The following MED15 variants were observed in gnomAD, a reference collection of about 807,000 sequenced individuals.
MED15 encodes mediator complex subunit 15, also known as mediator of RNA polymerase II transcription subunit 15.
A neutral mutation model predicts 118.7 loss-of-function variants in MED15; 41 were observed. That is an observed-to-expected ratio of 0.35 (90% CI 0.27 to 0.45). The LOEUF is 0.45. Among genes scored for constraint, MED15 ranks in the 20% least tolerant of loss-of-function variants. The pLI, the probability that MED15 is intolerant of heterozygous loss-of-function variation, is 1.00. For synonymous variants in MED15, 436 were observed against 413.9 expected (o/e 1.05, Z -0.65); for missense variants, 740 against 1,025.5 (o/e 0.72, Z 3.80).
intron 1 of MED15, among the ~76,000 whole-genome samples, chr22:20,514,058 G>T (rs1039775953): frequency 6.6e-6 from 1 of 152,014 alleles, no homozygotes; most frequent in East Asian, 1.9e-4. Flanking sequence ...AAGAGACAGG[G>T]TTTCACCATG....
rs764564065 is a variant in MED15 at position 20,507,632 on chromosome 22, C to T, written c.-47C>T. 3 of 1,610,730 alleles carry T rather than the reference C, an allele frequency of 1.9e-6. No homozygotes were observed. Among genetic ancestry groups the T allele is most frequent in the Middle Eastern group, 1.7e-4 (1 of 6,024 alleles). On this transcript the variant is annotated 5_prime_UTR_variant, in exon 1 of 18. Coordinates refer to ENST00000263205, the MANE Select transcript of MED15 (RefSeq NM_001003891.3). ...CCTGGCTCTGTGACTGAGGCGGCGG[C>T]GGTGGCGGCCAAGCGGGATACGGGC...
chr22:20,583,476 T>C, intron 13 of MED15, 83 bp downstream of exon 13: 1 of 1,532,534 alleles, frequency 6.5e-7, no homozygotes, highest in South Asian at 1.1e-5. Flanking sequence ...ATGATGTGGG[T>C]TTAACAAAGG....
chr22:20,551,472 C>A lies in MED15; in HGVS notation c.193C>A (p.His65Asn). 1 of 1,614,074 alleles carries A rather than the reference C, an allele frequency of 6.2e-7. No homozygotes were observed. The highest frequency in any genetic ancestry group is 8.5e-7 in the Non-Finnish European group (1 of 1,179,932). The change falls in exon 3 of 18, where the codon CAT becomes AAT. Residue 65 changes from histidine to asparagine, a missense_variant. Coordinates refer to ENST00000263205, the MANE Select transcript of MED15 (RefSeq NM_001003891.3). Reference protein sequence around the residue: ...YLSLVARLIIHFRDIHNKKSQ... With the variant: ...YLSLVARLIINFRDIHNKKSQ... ...TTCTCTCGTGGCCAGGCTCATTATC[C>A]ATTTTCGAGACATTCGTAAGTAAGA...
chr22:20,563,630 A>T (rs1005938000), intron 5 of MED15, among the ~76,000 whole-genome samples: 10 of 152,218 alleles, frequency 6.6e-5, no homozygotes, highest in Non-Finnish European at 1.3e-4. Flanking sequence ...TCCAGAACTT[A>T]GTACACACAC....
At chr22:20,563,874 A>G (rs1363471479) in intron 5 of MED15, among the ~76,000 whole-genome samples, 1 of 152,180 alleles carries the variant, frequency 6.6e-6, no homozygotes, top group Admixed American at 6.5e-5. Flanking sequence ...GAACATTTTT[A>G]TGTTCACCCC....
chr22:20,565,102 G>C (rs2056389124), intron 6 of MED15, among the ~76,000 whole-genome samples: 1 of 152,208 alleles, frequency 6.6e-6, no homozygotes, highest in Non-Finnish European at 1.5e-5. Context: ...TCCAGCCTGG[G>C]CAGCAGTGAG....
Position 20,585,015 on chromosome 22 carries a change from C to T in MED15, c.1964C>T (p.Thr655Met), listed in dbSNP as rs772805310. 2.1e-5 allele frequency: 34 copies of T among 1,613,926 alleles called. No individual in the cohort carries two copies. Among genetic ancestry groups the T allele is most frequent in the Non-Finnish European group, 2.3e-5 (27 of 1,180,024 alleles). The change falls in exon 15 of 18, where the codon ACG (threonine) becomes ATG (methionine). Residue 655 changes from threonine to methionine, a missense_variant and splice_region_variant. Coordinates refer to ENST00000263205, the MANE Select transcript of MED15 (RefSeq NM_001003891.3). ...AMTAIHGPPI[T>M]APVVCTRKRR... ...ACCGCCATTCACGGCCCACCCATCACGTATGTCCAGCTGGGCTGGGCTTTG... is the reference window on the plus strand; with the variant it reads ...ACCGCCATTCACGGCCCACCCATCATGTATGTCCAGCTGGGCTGGGCTTTG...
intron 3 of MED15, chr22:20,551,887 C>G (rs1194871239): frequency 7.9e-6 from 2 of 251,954 alleles, no homozygotes; most frequent in African/African-American, 4.5e-5. Context: ...GGCATATTTT[C>G]CCTCCAGACT....
chr22:20,522,425 T>G (rs1433228774), intron 1 of MED15, among the ~76,000 whole-genome samples: 1 of 151,920 alleles, frequency 6.6e-6, no homozygotes, highest in African/African-American at 2.4e-5. Flanking sequence ...CTGGGTGCAG[T>G]GACAGTAGGA....
chr22:20,560,479 G>T (rs2146559456), intron 5 of MED15, among the ~76,000 whole-genome samples: 2 of 152,266 alleles, frequency 1.3e-5, no homozygotes, highest in Middle Eastern at 6.8e-3. Context: ...TGGCCAGGAT[G>T]TTCTCGATCT....
intron 9 of MED15, among the ~76,000 whole-genome samples, chr22:20,576,691 TGGG>T (rs361812): frequency 0.2 from 29,955 of 152,076 alleles, 2,988 homozygotes; most frequent in South Asian, 0.25. Flanking sequence ...GAGCGGAAGT[TGGG>T]GGTCAGGAAT....
chr22:20,533,989 ACT>A (rs2054957787), intron 1 of MED15, among the ~76,000 whole-genome samples: 2 of 151,980 alleles, frequency 1.3e-5, no homozygotes, highest in African/African-American at 4.8e-5. Flanking sequence ...GTCTGCTGAC[ACT>A]CTCAAAAACG....
At chr22:20,584,268 A>T in intron 13 of MED15, 91 bp from the exon 14 acceptor site, 1 of 1,335,636 alleles carries the variant, frequency 7.5e-7, no homozygotes, top group Non-Finnish European at 1.1e-6. Context: ...GAGGTTTCTG[A>T]TGGCTGAGGC....
At chr22:20,579,933 T>G (rs2056929958) in intron 9 of MED15, among the ~76,000 whole-genome samples, 1 of 152,064 alleles carries the variant, frequency 6.6e-6, no homozygotes, top group African/African-American at 2.4e-5. Flanking sequence ...GCGCCCGACC[T>G]CTCTGGCTGC....
intron 2 of MED15, among the ~76,000 whole-genome samples, chr22:20,538,088 A>G (rs902556042): frequency 6.6e-6 from 1 of 152,272 alleles, no homozygotes; most frequent in Non-Finnish European, 1.5e-5. Context: ...TTGTGTGGCC[A>G]TCACCAAAAT....
Position 20,576,891 on chromosome 22 carries a change from G to T in MED15, c.1272+1659G>T, listed in dbSNP as rs552620967. ...TTCTCCTCCTTTCCCATAGCCTCTG[G>T]CACAGTATCCACTGGGTTCACAGAA... On this transcript the variant is annotated intron_variant, in intron 9 of 17. Coordinates refer to ENST00000263205, the MANE Select transcript of MED15 (RefSeq NM_001003891.3). Among the ~76,000 whole-genome samples, 6 of 152,306 alleles carry T rather than the reference G, an allele frequency of 3.9e-5. No homozygotes were observed. The East Asian group carries it at 7.7e-4, about 20-fold the overall frequency.
chr22:20,520,301 C>T (rs1254098307), intron 1 of MED15, among the ~76,000 whole-genome samples: 1 of 152,200 alleles, frequency 6.6e-6, no homozygotes, highest in Admixed American at 6.5e-5. Flanking sequence ...CCTTTCAGTC[C>T]TCCTCATCAG....
chr22:20,536,346 G>T (rs1469607113), intron 1 of MED15, among the ~76,000 whole-genome samples: 1 of 151,590 alleles, frequency 6.6e-6, no homozygotes, highest in Non-Finnish European at 1.5e-5. Flanking sequence ...GTGTGAGTGT[G>T]GGAGGTGGGG....
rs746359148 is a variant in MED15, at chr22:20,508,035, C to A, written c.68+289C>A. 4.3e-6 allele frequency: 6 copies of A among 1,390,228 alleles called. No homozygotes were observed. In the South Asian group the frequency reaches 6.2e-5, roughly 14 times the overall value. 86.1% of individuals were successfully genotyped at this position (1,390,228 alleles called of 1,614,324 possible). A position where few individuals can be genotyped will look rare whatever the true frequency, so the allele number is the denominator to read the frequency against. ...TTTGTGTGCTTTGGGTGCAGACTTT[C>A]CCCCGCTTTTTGAACCACACTGAAT... is the stretch of plus-strand genomic sequence containing the variant. On this transcript the variant is annotated intron_variant, in intron 1 of 17. Coordinates refer to ENST00000263205, the MANE Select transcript of MED15 (RefSeq NM_001003891.3).
Sources: allele counts gnomAD v4.1 joint callset (sites outside exome capture counted in the v4.1 genomes callset), GRCh38; gene constraint gnomAD v4.1.1; transcripts MANE v1.5; gene names NCBI Gene and HGNC (gene_info 2026-07-23, HGNC 2026-07-21).